Variants in SELENOM observed in about 807,000 individuals in gnomAD.
SELENOM encodes the protein selenoprotein M.
In SELENOM, 17 loss-of-function variants were observed where a neutral mutation model predicts 14.5. That is an observed-to-expected ratio of 1.17 (90% CI 0.80 to 1.76). The LOEUF is 1.76. SELENOM is among the 40% of genes most tolerant of loss of function. The pLI, the probability that SELENOM is intolerant of heterozygous loss-of-function variation, is 0.00. For missense variants in SELENOM, 230 were observed against 204.6 expected (o/e 1.12, Z -0.76); for synonymous variants, 102 against 93.3 (o/e 1.09, Z -0.54).
At chr22:31,105,784 C>G in intron 2 of SELENOM, 92 bp from the exon 3 acceptor site, 1 of 1,515,422 alleles carries the variant, frequency 6.6e-7, no homozygotes, top group Non-Finnish European at 9.2e-7. Flanking sequence ...TAAAGCAAGT[C>G]AGGTGCAGGC....
chr22:31,107,260 G>A, intron 1 of SELENOM, 117 bp downstream of exon 1: 1 of 1,293,258 alleles, frequency 7.7e-7, no homozygotes, highest in South Asian at 1.5e-5. Context: ...CCGGCGCCAG[G>A]GGGAAAGCAG....
intron 1 of SELENOM, 21 bp downstream of exon 1, chr22:31,107,356 G>A: frequency 6.3e-7 from 1 of 1,586,856 alleles, no homozygotes; most frequent in Non-Finnish European, 8.6e-7. Flanking sequence ...TAGTGCCGGG[G>A]CTGGAGGCCG....
chr22:31,105,973 G>GGATA lies in SELENOM; in HGVS notation c.130-9_130-8insTATC. On this transcript the variant is annotated splice_polypyrimidine_tract_variant and intron_variant, in intron 1 of 4. Coordinates refer to ENST00000400299, the MANE Select transcript of SELENOM (RefSeq NM_080430.4). ...CTGTCATCCCCCGCAGGTCTGGAGG[G>GGATA]GGATAAAATGGGATAGGTCAGGAGT... The GGATA allele has an allele frequency of 6.2e-7, 1 of 1,613,406 alleles. No homozygotes were observed. The highest frequency in any genetic ancestry group is 8.5e-7 in the Non-Finnish European group (1 of 1,179,352).
In SELENOM at chr22:31,105,157, G is replaced by A. The variant is rs374598776; in HGVS notation, c.280-29C>T. ...AGGCGGAGGAGGGGCGGGGTCAGCA[G>A]GCTGGGCCTCGCCTCTGGCCTCGCC... On this transcript the variant is annotated intron_variant, in intron 4 of 4. Coordinates refer to ENST00000400299, the MANE Select transcript of SELENOM (RefSeq NM_080430.4). The A allele has an allele frequency of 3.3e-5, 53 of 1,613,326 alleles. 1 individual carries two copies. In the East Asian group the frequency reaches 4.9e-4, roughly 15 times the overall value.
chr22:31,107,220 A>C, intron 1 of SELENOM, 157 bp downstream of exon 1: 1 of 955,224 alleles, frequency 1.0e-6, no homozygotes. Context: ...TGCTGGGGCC[A>C]TCTGGGGCTA....
chr22:31,105,833 C>G, intron 2 of SELENOM, 97 bp downstream of exon 2: 1 of 1,490,662 alleles, frequency 6.7e-7, no homozygotes, highest in African/African-American at 1.4e-5. Flanking sequence ...GCCTAGGGAT[C>G]CTTCCCCCCT....
rs1243254229 is a variant in SELENOM at position 31,104,997 on chromosome 22, C to T, written c.411G>A (p.Glu137=). ...EYVWAPAKPP[E]ETSDHADL ...ACAGGTCAGCGTGGTCCGAAGTTTC[C>T]TCTGGGGGCTTCGCGGGCGCCCACA... Residue 137 remains glutamate (E), a synonymous_variant, in exon 5 of 5, where the codon GAG becomes GAA. Transcript: ENST00000400299. 1 of 1,601,666 alleles carries T rather than the reference C, an allele frequency of 6.2e-7. No individual in the cohort carries two copies. The highest frequency in any genetic ancestry group is 8.5e-7 in the Non-Finnish European group (1 of 1,176,146).
rs779831357 is a variant in SELENOM at position 31,107,372 on chromosome 22, C to T, written c.129+5G>A. The T allele has an allele frequency of 1.6e-5, 25 of 1,592,806 alleles. No homozygotes were observed. Among genetic ancestry groups the T allele is most frequent in the Non-Finnish European group, 1.8e-5 (21 of 1,171,478 alleles). On this transcript the variant is annotated splice_donor_5th_base_variant and intron_variant, in intron 1 of 4. Coordinates refer to ENST00000400299, the MANE Select transcript of SELENOM (RefSeq NM_080430.4). ...AGTGCCGGGGCTGGAGGCCGGCGTA[C>T]TCACCTCTACCCGGGCGCGGGTTAG...
At chr22:31,107,184 T>G in intron 1 of SELENOM, 193 bp downstream of exon 1, 1 of 660,202 alleles carries the variant, frequency 1.5e-6, no homozygotes, top group Admixed American at 3.4e-5. Context: ...GGCCCCAAAG[T>G]CGGTGTCTCA....
rs2044388611 is a variant in SELENOM at position 31,105,221 on chromosome 22, T to A, written c.266A>T (p.Tyr89Phe). The change falls in exon 4 of 5, where the codon TAC becomes TTC. Residue 89 changes from tyrosine to phenylalanine, a missense_variant. Coordinates refer to ENST00000400299, the MANE Select transcript of SELENOM (RefSeq NM_080430.4). ...DPELVLLGRR[Y>F]EELERIPLSE... ...CCACGGCCTCACCTCTAGTTCCTCG[T>A]AGCGGCGGCCCAGCAGCACGAGCTC... 8.1e-6 allele frequency: 13 copies of A among 1,613,344 alleles called. No individual in the cohort carries two copies. The highest frequency in any genetic ancestry group is 1.1e-5 in the Non-Finnish European group (13 of 1,179,720).
In SELENOM at chr22:31,104,905, C is replaced by T; in HGVS notation, c.*65G>A. ...CAGCAAGAGAAGTATTCCCGGGATG[C>T]TGAGCGCTTCATTCTGTCTCCAGGA... On this transcript the variant is annotated 3_prime_UTR_variant, in exon 5 of 5. Transcript: ENST00000400299. The T allele has an allele frequency of 6.8e-7, 1 of 1,460,718 alleles. No homozygotes were observed. The highest frequency in any genetic ancestry group is 9.1e-7 in the Non-Finnish European group (1 of 1,099,550). The allele number at this position is 1,460,718 out of a possible 1,614,324, so 90.5% of individuals were successfully genotyped here. A position where few individuals can be genotyped will look rare whatever the true frequency, so the allele number is the denominator to read the frequency against.
chr22:31,105,802 T>G, intron 2 of SELENOM, 110 bp from the exon 3 acceptor site: 1 of 1,475,722 alleles, frequency 6.8e-7, no homozygotes, highest in Non-Finnish European at 9.5e-7. Context: ...GGCTAGACTC[T>G]CAGCCTAGGC....
At position 31,105,136 on chromosome 22, in the gene SELENOM, G is replaced by A. The variant is rs368373313; in HGVS notation, c.280-8C>T. On this transcript the variant is annotated splice_region_variant and splice_polypyrimidine_tract_variant and intron_variant, in intron 4 of 4. Transcript: ENST00000400299. ...TTCACTGAGTGGGATGCGCTGAGGCGGAGGAGGGGCGGGGTCAGCAGGCTG... is the reference window on the plus strand; with the variant it reads ...TTCACTGAGTGGGATGCGCTGAGGCAGAGGAGGGGCGGGGTCAGCAGGCTG... 23 of 1,613,334 alleles carry A rather than the reference G, an allele frequency of 1.4e-5. No homozygotes were observed. The highest frequency in any genetic ancestry group is 1.6e-4 in the Middle Eastern group (1 of 6,080).
chr22:31,105,524 T>A, intron 3 of SELENOM, 134 bp downstream of exon 3: 1 of 990,674 alleles, frequency 1.0e-6, no homozygotes, highest in Non-Finnish European at 1.6e-6. Flanking sequence ...GGAGACCACC[T>A]CAGAATCCTC....
rs1316428022 is a variant in SELENOM, at chr22:31,104,989, G to A, written c.419C>T (p.Ser140Leu). 7 of 1,595,914 alleles carry A rather than the reference G, an allele frequency of 4.4e-6. No individual in the cohort carries two copies. In the African/African-American group the frequency reaches 8.1e-5, roughly 19 times the overall value. ...CCGGACCTACAGGTCAGCGTGGTCC[G>A]AAGTTTCCTCTGGGGGCTTCGCGGG... is the stretch of plus-strand genomic sequence containing the variant. Reference protein sequence around the residue: ...WAPAKPPEETSDHADL With the variant: ...WAPAKPPEETLDHADL The change falls in exon 5 of 5, where the codon TCG becomes TTG. Residue 140 changes from serine (S) to leucine (L), a missense_variant. Transcript: ENST00000400299.
Position 31,105,061 on chromosome 22 carries a change from C to T in SELENOM, c.347G>A (p.Arg116His), listed in dbSNP as rs768328852. ...CACCTGCGCGTCGGGCGCCGCCTTG[C>T]GGTAGAAGCCGAGCTCCTGCACTAG... ...NALVQELGFY[R>H]KAAPDAQVPP... Residue 116 changes from arginine to histidine, a missense_variant, in exon 5 of 5, where the codon CGC (arginine) becomes CAC (histidine). By Grantham distance (29) the Arg-to-His change is conservative. Coordinates refer to ENST00000400299, the MANE Select transcript of SELENOM (RefSeq NM_080430.4). The T allele has an allele frequency of 1.9e-6, 3 of 1,612,282 alleles. No homozygotes were observed. Among genetic ancestry groups the T allele is most frequent in the Non-Finnish European group, 2.5e-6 (3 of 1,179,656 alleles).
intron 4 of SELENOM, 38 bp from the exon 5 acceptor site, chr22:31,105,166 T>C: frequency 6.2e-7 from 1 of 1,613,156 alleles, no homozygotes; most frequent in East Asian, 2.2e-5. Context: ...AGGCTGGGCC[T>C]CGCCTCTGGC....
intron 1 of SELENOM, chr22:31,106,317 C>T (rs904669750): frequency 3.0e-5 from 10 of 332,246 alleles, no homozygotes; most frequent in Non-Finnish European, 5.7e-5. Flanking sequence ...TGGGCTTGGC[C>T]TTTGATCCCT....
At position 31,107,455 on chromosome 22, in the gene SELENOM, A is replaced by G. The variant is rs1315793911; in HGVS notation, c.51T>C (p.Leu17=). Residue 17 remains leucine (L), a synonymous_variant, in exon 1 of 5, where the codon CTT becomes CTC. Transcript: ENST00000400299. ...CAGTGGCGGCTGTGGCTGGGGCCAC[A>G]AGCGCCGCGAGAAGCAGCAGCAGCG... ...PLALLLLLAA[L]VAPATAATAY... 1 of 1,563,374 alleles carries G rather than the reference A, an allele frequency of 6.4e-7. No homozygotes were observed. The highest frequency in any genetic ancestry group is 8.6e-7 in the Non-Finnish European group (1 of 1,156,586).
Sources: allele counts gnomAD v4.1 joint callset, GRCh38; gene constraint gnomAD v4.1.1; transcripts MANE v1.5; gene names NCBI Gene and HGNC (gene_info 2026-07-23, HGNC 2026-07-21).